ACVRL1: variants seen among roughly 807,000 people sequenced by gnomAD.
ACVRL1 encodes the protein activin receptor type-1-like.
A neutral mutation model predicts 51.9 loss-of-function variants in ACVRL1; 20 were observed. The observed-to-expected ratio is 0.39, with a 90% CI of 0.27 to 0.56. The LOEUF (loss-of-function observed/expected upper bound fraction) is 0.56. Ranked by LOEUF, ACVRL1 falls within the 20% of genes least tolerant of loss-of-function variation. The pLI, the probability that ACVRL1 is intolerant of heterozygous loss-of-function variation, is 0.67. For missense variants in ACVRL1, 451 were observed against 670.3 expected, an observed-to-expected ratio of 0.67 and a Z score of 3.61; for synonymous variants, 288 against 280.9, an observed-to-expected ratio of 1.03 and a Z score of -0.25.
intron 8 of ACVRL1, 132 bp from the exon 9 acceptor site, chr12:51,918,853 C>T (rs1940902872): frequency 1.6e-6 from 2 of 1,243,652 alleles, no homozygotes; most frequent in Admixed American, 1.7e-5. Flanking sequence ...ATTATACTGT[C>T]CCTCTCAGGG....
rs1334631153 is a variant in ACVRL1 at position 51,907,547 on chromosome 12, C to T, written c.-154C>T. 1 of 152,022 alleles carries T rather than the reference C, an allele frequency of 6.6e-6. No homozygotes were observed. Among genetic ancestry groups the T allele is most frequent in the Non-Finnish European group, 1.5e-5 (1 of 68,004 alleles). 9.4% of individuals were successfully genotyped at this position (152,022 alleles called of 1,614,324 possible). On this transcript the variant is annotated 5_prime_UTR_variant, in exon 1 of 10. Coordinates refer to ENST00000388922, the MANE Select transcript of ACVRL1 (RefSeq NM_000020.3). The surrounding 1 kb of genome is among the most constrained non-coding windows in gnomAD (Gnocchi z 4.5). The stretch of plus-strand genomic sequence containing the variant: ...CCGCGCCAGCTGCGCCGAGCGAGCC[C>T]CTCCCCGGCTCCAGCCCGGTCCGGG...
At chr12:51,915,950 C>T in intron 7 of ACVRL1, 86 bp from the exon 8 acceptor site, 1 of 1,459,446 alleles carries the variant, frequency 6.9e-7, no homozygotes, top group African/African-American at 1.4e-5. Context: ...CTCTCTGTCC[C>T]ACTGTTTCTC....
intron 6 of ACVRL1, 66 bp from the exon 7 acceptor site, chr12:51,915,159 C>G: frequency 6.3e-7 from 1 of 1,589,790 alleles, no homozygotes; most frequent in Non-Finnish European, 8.6e-7. Flanking sequence ...CCACCCTGAC[C>G]CTGACGACTC....
At position 51,916,827 on chromosome 12, in the gene ACVRL1, A is replaced by G. The variant is rs1478316311; in HGVS notation, c.1246+594A>G. Reference sequence around the variant, plus strand: ...TGTCTGTACTAAAAATACAAAAATTAGCTGGCTGTGGTGGCACACACCTGT... The same window carrying G: ...TGTCTGTACTAAAAATACAAAAATTGGCTGGCTGTGGTGGCACACACCTGT... On this transcript the variant is annotated intron_variant, in intron 8 of 9. Coordinates refer to ENST00000388922, the MANE Select transcript of ACVRL1 (RefSeq NM_000020.3). 3.3e-5 allele frequency among the ~76,000 whole-genome samples: 5 copies of G among 152,218 alleles called. No homozygotes were observed. The East Asian group carries it at 9.6e-4, about 29-fold the overall frequency.
chr12:51,914,611 G>T, intron 6 of ACVRL1, 26 bp downstream of exon 6: 1 of 1,601,862 alleles, frequency 6.2e-7, no homozygotes, highest in Non-Finnish European at 8.5e-7. Flanking sequence ...AGCTGTGCCA[G>T]GCCTGGGGCT....
chr12:51,909,007 A>G (rs1205162293), intron 1 of ACVRL1, among the ~76,000 whole-genome samples: 1 of 152,156 alleles, frequency 6.6e-6, no homozygotes, highest in Non-Finnish European at 1.5e-5. Flanking sequence ...GGGCAACCCA[A>G]TATGAACAGC....
rs115378744 is a variant in ACVRL1, at chr12:51,916,242, C to T, written c.1246+9C>T. ...CCGGACCATCGTGAATGGTGAGGGC[C>T]CACCCTACACAGGGTAGGGAAAGGG... is the stretch of plus-strand genomic sequence containing the variant. On this transcript the variant is annotated intron_variant, in intron 8 of 9. Transcript: ENST00000388922. 1.7e-3 allele frequency: 2,680 copies of T among 1,613,228 alleles called. 41 individuals are homozygous for T. The African/African-American group carries it at 0.032, about 19-fold the overall frequency.
At position 51,921,050 on chromosome 12, in the gene ACVRL1, T is replaced by C. The variant is rs2139090319; in HGVS notation, c.*157T>C. On this transcript the variant is annotated 3_prime_UTR_variant, in exon 10 of 10. Coordinates refer to ENST00000388922, the MANE Select transcript of ACVRL1 (RefSeq NM_000020.3). ...GGCCCCCAGCCCACCCAGCCAAAAA[T>C]ACAGCTGGGCTGAAACCTGATCCCC... 1.1e-6 allele frequency: 1 copy of C among 906,738 alleles called. No individual in the cohort carries two copies. Among genetic ancestry groups the C allele is most frequent in the Non-Finnish European group, 1.7e-6 (1 of 586,762 alleles). The allele number at this position is 906,738 out of a possible 1,614,324, so 56.2% of individuals were successfully genotyped here.
chr12:51,912,777 A>G lies in ACVRL1; in HGVS notation c.61+242A>G, dbSNP rs1940718940. On this transcript the variant is annotated intron_variant, in intron 2 of 9. Transcript: ENST00000388922. ...CTGTCAGACTAGGGTGGAAGCCTAT[A>G]TGTGGGGTGGAGGGAGAGCAGGTGT... 6.6e-5 allele frequency among the ~76,000 whole-genome samples: 10 copies of G among 151,954 alleles called. 1 individual carries two copies. Among genetic ancestry groups the G allele is most frequent in the Admixed American group, 6.5e-4 (10 of 15,268 alleles).
intron 1 of ACVRL1, among the ~76,000 whole-genome samples, chr12:51,908,986 A>G (rs1252202057): frequency 7.2e-5 from 11 of 152,132 alleles, no homozygotes; most frequent in African/African-American, 2.7e-4. Context: ...AATCACATGG[A>G]TGAATCGTAA....
chr12:51,912,238 T>C, intron 1 of ACVRL1: 1 of 622,434 alleles, frequency 1.6e-6, no homozygotes, highest in Non-Finnish European at 2.9e-6. Context: ...TCTCAGTCAC[T>C]TAAACATTGC....
chr12:51,920,049 G>T (rs1940933814), intron 9 of ACVRL1, among the ~76,000 whole-genome samples: 2 of 152,064 alleles, frequency 1.3e-5, no homozygotes, highest in African/African-American at 4.8e-5. Flanking sequence ...CAACATATCC[G>T]CAAAAAGCCA....
intron 8 of ACVRL1, among the ~76,000 whole-genome samples, chr12:51,916,599 C>G (rs1220590060): frequency 6.6e-6 from 1 of 152,230 alleles, no homozygotes; most frequent in East Asian, 1.9e-4. Flanking sequence ...AGAGCATAGG[C>G]TTGGAATCAG....
At chr12:51,914,684 A>C in intron 6 of ACVRL1, 99 bp downstream of exon 6, 1 of 1,221,706 alleles carries the variant, frequency 8.2e-7, no homozygotes, top group Non-Finnish European at 1.1e-6. Flanking sequence ...ACCCTGAAGG[A>C]CTCTCAGCCC....
chr12:51,915,711 T>TG, intron 7 of ACVRL1: 1 of 767,846 alleles, frequency 1.3e-6, no homozygotes, highest in Admixed American at 3.0e-5. Flanking sequence ...CTCCAGGAGT[T>TG]GGGAGAAAGG....
rs566178519 is a variant in ACVRL1 at position 51,921,112 on chromosome 12, C to T, written c.*219C>T. The stretch of plus-strand genomic sequence containing the variant: ...CTGCTCAAAGCGGCAGGCTCCCTGA[C>T]GCCTGGCTCTCTCCCCACCCCTATG... On this transcript the variant is annotated 3_prime_UTR_variant, in exon 10 of 10. Transcript: ENST00000388922. 76 of 590,550 alleles carry T rather than the reference C, an allele frequency of 1.3e-4. No homozygotes were observed. In the Middle Eastern group the frequency reaches 1.9e-3, roughly 14 times the overall value. 36.6% of individuals were successfully genotyped at this position (590,550 alleles called of 1,614,324 possible).
At chr12:51,908,905 C>T (rs1410599449) in intron 1 of ACVRL1, among the ~76,000 whole-genome samples, 2 of 152,186 alleles carry the variant, frequency 1.3e-5, no homozygotes, top group Non-Finnish European at 2.9e-5. Context: ...CCTCCATGGT[C>T]TGCCTGAGAC....
chr12:51,918,246 A>G (rs1299273728), intron 8 of ACVRL1, among the ~76,000 whole-genome samples: 1 of 152,338 alleles, frequency 6.6e-6, no homozygotes, highest in East Asian at 1.9e-4. Context: ...GGGTGATGTT[A>G]TGTGGACCTG....
intron 6 of ACVRL1, 43 bp downstream of exon 6, chr12:51,914,628 C>G (rs749290061): frequency 6.3e-7 from 1 of 1,584,000 alleles, no homozygotes; most frequent in Non-Finnish European, 8.6e-7. Flanking sequence ...GGCTTTGCCC[C>G]CCTGCACTCA....
Sources: allele counts gnomAD v4.1 joint callset (sites outside exome capture counted in the v4.1 genomes callset), GRCh38; gene constraint gnomAD v4.1.1; non-coding constraint Gnocchi (gnomAD v3.1); transcripts MANE v1.5; gene names NCBI Gene and HGNC (gene_info 2026-07-23, HGNC 2026-07-21).